Variants in ARHGAP22 observed in about 807,000 individuals in gnomAD.
ARHGAP22 encodes rho GTPase-activating protein 22.
A neutral mutation model predicts 59.1 loss-of-function variants in ARHGAP22; 48 were observed. The observed-to-expected ratio is 0.81, with a 90% CI of 0.64 to 1.03. The LOEUF is 1.03. ARHGAP22 is among the 50% of genes least tolerant of loss of function. ARHGAP22 has a pLI of 0.00. For synonymous variants in ARHGAP22, 445 were observed against 416.4 expected (o/e 1.07, Z -0.84); for missense variants, 1,015 against 958.7 (o/e 1.06, Z -0.78).
At chr10:48,619,483 A>G (rs1159644418) in intron 1 of ARHGAP22, among the ~76,000 whole-genome samples, 1 of 152,204 alleles carries the variant, frequency 6.6e-6, no homozygotes, top group Admixed American at 6.5e-5. Context: ...ATACTGGCAT[A>G]AAAACAAACA....
At chr10:48,530,606 A>G (rs1413015325) in intron 3 of ARHGAP22, among the ~76,000 whole-genome samples, 1 of 152,242 alleles carries the variant, frequency 6.6e-6, no homozygotes, top group Non-Finnish European at 1.5e-5. Flanking sequence ...AAAATGGGCT[A>G]AGGACACGAA....
chr10:48,599,959 A>G (rs1050139270), intron 1 of ARHGAP22, among the ~76,000 whole-genome samples: 10 of 152,200 alleles, frequency 6.6e-5, no homozygotes, highest in African/African-American at 2.4e-4. Flanking sequence ...GTCAGCCTCC[A>G]TCTGCCTCTG....
chr10:48,488,515 C>A (rs1250068930), intron 3 of ARHGAP22, among the ~76,000 whole-genome samples: 1 of 152,130 alleles, frequency 6.6e-6, no homozygotes, highest in South Asian at 2.1e-4. Context: ...CTGGTATGAA[C>A]GTAGATTCTT....
Position 48,582,987 on chromosome 10 carries a change from A to G in ARHGAP22, c.200T>C (p.Phe67Ser). 6.2e-7 allele frequency: 1 copy of G among 1,614,254 alleles called. No individual in the cohort carries two copies. Among genetic ancestry groups the G allele is most frequent in the Non-Finnish European group, 8.5e-7 (1 of 1,180,046 alleles). ...RWFVLRGDQL[F>S]YYKDKDEIKP... ...GATCTCATCTTTGTCCTTGTAGTAG[A>G]AAAGCTGATCCCCACGCAGCACAAA... The change falls in exon 2 of 10, where the codon TTC becomes TCC. Residue 67 changes from phenylalanine (F) to serine (S), a missense_variant. Phe to Ser is a radical substitution (Grantham distance 155, BLOSUM62 -2). Coordinates refer to ENST00000249601, the MANE Select transcript of ARHGAP22 (RefSeq NM_021226.4).
intron 3 of ARHGAP22, among the ~76,000 whole-genome samples, chr10:48,482,647 G>GT (rs144225680): frequency 0.016 from 2,406 of 151,968 alleles, 58 homozygotes; most frequent in African/African-American, 0.054. Flanking sequence ...TTGCTGAGAG[G>GT]TTTTTTTTAT....
chr10:48,521,579 A>G (rs947534860), intron 3 of ARHGAP22, among the ~76,000 whole-genome samples: 1 of 152,242 alleles, frequency 6.6e-6, no homozygotes, highest in African/African-American at 2.4e-5. Context: ...AATTGAAATG[A>G]TATCAATGAT....
At chr10:48,652,245 G>C in exon 1 of ARHGAP22, 1 of 1,535,524 alleles carries the variant, frequency 6.5e-7, no homozygotes, top group Non-Finnish European at 8.7e-7. Context: ...GAAATATCTG[G>C]CTGCAAACGT....
At chr10:48,590,617 G>A (rs963758236) in intron 1 of ARHGAP22, among the ~76,000 whole-genome samples, 2 of 152,216 alleles carry the variant, frequency 1.3e-5, no homozygotes, top group African/African-American at 4.8e-5. Flanking sequence ...TTGTGCCAGG[G>A]TGCCCATAAA....
At chr10:48,564,357 A>T (rs117538438) in intron 2 of ARHGAP22, among the ~76,000 whole-genome samples, 182 of 152,348 alleles carry the variant, frequency 1.2e-3, no homozygotes, top group Middle Eastern at 6.8e-3. Flanking sequence ...AATTGCTAAG[A>T]AATAAGAACA....
intron 3 of ARHGAP22, among the ~76,000 whole-genome samples, chr10:48,527,838 G>A (rs2054471162): frequency 6.6e-6 from 1 of 152,220 alleles, no homozygotes; most frequent in Non-Finnish European, 1.5e-5. Context: ...AGAAGGGCCA[G>A]AGGTGGGAGC....
intron 3 of ARHGAP22, among the ~76,000 whole-genome samples, chr10:48,536,811 T>C (rs1590021626): frequency 6.6e-6 from 1 of 152,164 alleles, no homozygotes; most frequent in Non-Finnish European, 1.5e-5. Context: ...GTAATGTCTA[T>C]TTCTTGTCAA....
At chr10:48,484,486 TG>T (rs1252937910) in intron 3 of ARHGAP22, among the ~76,000 whole-genome samples, 1 of 152,234 alleles carries the variant, frequency 6.6e-6, no homozygotes, top group African/African-American at 2.4e-5. Flanking sequence ...CTGGTTTTGG[TG>T]GCCTCACAGA....
intron 1 of ARHGAP22, among the ~76,000 whole-genome samples, chr10:48,643,903 T>C (rs1293745433): frequency 6.6e-6 from 1 of 152,028 alleles, no homozygotes; most frequent in Admixed American, 6.6e-5. Flanking sequence ...ATCCCAGCAC[T>C]TGGGGAGGCC....
chr10:48,458,424 A>G (rs1374950242), intron 5 of ARHGAP22, among the ~76,000 whole-genome samples: 1 of 151,986 alleles, frequency 6.6e-6, no homozygotes, highest in African/African-American at 2.4e-5. Flanking sequence ...ACCTTGGGAG[A>G]GCAGGTGTGC....
intron 1 of ARHGAP22, among the ~76,000 whole-genome samples, chr10:48,617,382 C>G (rs2136006926): frequency 6.6e-6 from 1 of 152,082 alleles, no homozygotes; most frequent in South Asian, 2.1e-4. Context: ...TACACTTCAT[C>G]CTAAAGCTCC....
intron 3 of ARHGAP22, among the ~76,000 whole-genome samples, chr10:48,546,921 G>T (rs751423675): frequency 6.6e-6 from 1 of 152,154 alleles, no homozygotes; most frequent in Non-Finnish European, 1.5e-5. Flanking sequence ...ACAACCCAAG[G>T]TGCTTGGCAA....
At chr10:48,458,002 C>G (rs2046738178) in intron 5 of ARHGAP22, among the ~76,000 whole-genome samples, 2 of 151,726 alleles carry the variant, frequency 1.3e-5, no homozygotes, top group African/African-American at 4.8e-5. Context: ...GGGGAGGGCC[C>G]CTCTGTGGGT....
At chr10:48,510,867 G>C (rs986912239) in intron 3 of ARHGAP22, 7 of 152,226 alleles carry the variant, frequency 4.6e-5, no homozygotes, top group African/African-American at 1.7e-4. Flanking sequence ...AAAATCATCT[G>C]GAAAACGAGA....
chr10:48,572,050 A>C (rs3867454), intron 2 of ARHGAP22, among the ~76,000 whole-genome samples: 7 of 151,742 alleles, frequency 4.6e-5, no homozygotes, highest in African/African-American at 1.5e-4. Context: ...CTGTGATAGG[A>C]GGTCAAACAT....
Sources: allele counts gnomAD v4.1 joint callset (sites outside exome capture counted in the v4.1 genomes callset), GRCh38; gene constraint gnomAD v4.1.1; transcripts MANE v1.5; gene names NCBI Gene and HGNC (gene_info 2026-07-23, HGNC 2026-07-21).